The following UBE3A variants were observed in gnomAD, a reference collection of about 807,000 sequenced individuals.
UBE3A encodes ubiquitin protein ligase E3A.
Under a neutral mutation model 83.4 loss-of-function variants are expected in UBE3A, and 6 were observed. The ratio of observed to expected loss-of-function variants is 0.07; its 90% CI spans 0.04 to 0.14. UBE3A has a LOEUF of 0.14. UBE3A is among the 10% of genes least tolerant of loss of function. The probability of loss-of-function intolerance (pLI) is 1.00; values close to 1 mark genes in which losing one functional copy is unlikely to be tolerated. For synonymous variants in UBE3A, 337 were observed against 355.4 expected (o/e 0.95, Z 0.58); for missense variants, 456 against 1,036.1 (o/e 0.44, Z 7.69).
At chr15:25,382,628 A>T (rs573580650) in intron 4 of UBE3A, among the ~76,000 whole-genome samples, 1 of 152,092 alleles carries the variant, frequency 6.6e-6, no homozygotes, top group African/African-American at 2.4e-5. Context: ...GAAAAATAGA[A>T]AATTTTTGCA....
At chr15:25,408,670 C>T (rs1250383923) in intron 3 of UBE3A, 1 of 1,613,424 alleles carries the variant, frequency 6.2e-7, no homozygotes, top group Non-Finnish European at 8.5e-7. Flanking sequence ...CTCCTTTTAC[C>T]TCCACTGTAA....
Position 25,340,245 on chromosome 15 carries a change from C to T in UBE3A, c.2355-17G>A, listed in dbSNP as rs2074515071. 6.2e-7 allele frequency: 1 copy of T among 1,610,532 alleles called. No individual in the cohort carries two copies. The highest frequency in any genetic ancestry group is 2.2e-5 in the East Asian group (1 of 44,850). ...CAGAACTCCCTAATGAGAAAAAATA[C>T]AATACTGGTTTCAGTTTGGCATTCA... On this transcript the variant is annotated splice_polypyrimidine_tract_variant and intron_variant, in intron 11 of 12. Coordinates refer to ENST00000648336, the MANE Select transcript of UBE3A (RefSeq NM_130839.5).
At chr15:25,366,464 A>AT (rs572669297) in intron 6 of UBE3A, among the ~76,000 whole-genome samples, 8 of 152,278 alleles carry the variant, frequency 5.3e-5, no homozygotes, top group Non-Finnish European at 1.2e-4. Flanking sequence ...TTTAGAGGGG[A>AT]TTTTGCAGAA....
intron 4 of UBE3A, chr15:25,391,538 TAA>T (rs1054319163): frequency 6.6e-6 from 1 of 152,194 alleles, no homozygotes; most frequent in Non-Finnish European, 1.5e-5. Context: ...ACCTCTTATA[TAA>T]ACTGATAAAA....
intron 4 of UBE3A, among the ~76,000 whole-genome samples, chr15:25,396,380 G>T (rs1465174794): frequency 6.6e-6 from 1 of 152,064 alleles, no homozygotes; most frequent in Non-Finnish European, 1.5e-5. Flanking sequence ...CAAGGCAGAA[G>T]GATTACTTTG....
intron 1 of UBE3A, among the ~76,000 whole-genome samples, chr15:25,412,859 C>A (rs990981228): frequency 6.6e-6 from 1 of 152,136 alleles, no homozygotes; most frequent in Non-Finnish European, 1.5e-5. Context: ...AATAGAATTA[C>A]CTGGGGAAAT....
intron 6 of UBE3A, among the ~76,000 whole-genome samples, chr15:25,366,273 T>C (rs1200766546): frequency 6.6e-6 from 1 of 152,230 alleles, no homozygotes; most frequent in African/African-American, 2.4e-5. Context: ...AAATTAAACA[T>C]ACCTAGTGCA....
intron 6 of UBE3A, among the ~76,000 whole-genome samples, chr15:25,364,645 GTTT>G (rs759514427): frequency 7.2e-5 from 7 of 97,630 alleles, no homozygotes; most frequent in South Asian, 3.8e-4. Flanking sequence ...TTTTTTGTTT[GTTT>G]TTTTTTTTTT....
In UBE3A at chr15:25,371,836, G is replaced by A. The variant is rs779664745; in HGVS notation, c.362-24C>T. On this transcript the variant is annotated intron_variant, in intron 5 of 12. Coordinates refer to ENST00000648336, the MANE Select transcript of UBE3A (RefSeq NM_130839.5). This position sits in a 1 kb window ranked among gnomAD's most constrained non-coding sequence, Gnocchi z 5.3. ...ATCTAGAAAATCAGAGGAAAAAAGA[G>A]AACATTTATTTTCATAATATGTATG... 6.3e-7 allele frequency: 1 copy of A among 1,595,638 alleles called. No individual in the cohort carries two copies. Among genetic ancestry groups the A allele is most frequent in the South Asian group, 1.1e-5 (1 of 89,792 alleles).
intron 6 of UBE3A, among the ~76,000 whole-genome samples, chr15:25,366,491 C>T (rs2079124555): frequency 6.6e-6 from 1 of 152,130 alleles, no homozygotes; most frequent in South Asian, 2.1e-4. Context: ...GGTAGTGGGG[C>T]TTTTTATCTG....
rs1371048203 is a variant in UBE3A, at chr15:25,340,638, CCTTTCTCCTTTATT to C, written c.2355-424_2355-411del. ...GCCTTTGGGTATATATTTTATTTATCCTTTCTCCTTTATTCTCCTGGTCTACTCATCCTTTAACT... is the reference window on the plus strand; with the variant it reads ...GCCTTTGGGTATATATTTTATTTATCCTCCTGGTCTACTCATCCTTTAACT... On this transcript the variant is annotated intron_variant, in intron 11 of 12. Coordinates refer to ENST00000648336, the MANE Select transcript of UBE3A (RefSeq NM_130839.5). Among the ~76,000 whole-genome samples, 13 of 152,162 alleles carry C rather than the reference CCTTTCTCCTTTATT, an allele frequency of 8.5e-5. No individual in the cohort carries two copies. In the South Asian group the frequency reaches 1.5e-3, roughly 17 times the overall value.
In UBE3A at chr15:25,338,148, C is replaced by CTATT. The variant is rs2074118571; in HGVS notation, c.*985_*988dup. 1 of 152,064 alleles carries CTATT rather than the reference C, an allele frequency of 6.6e-6. No homozygotes were observed. The highest frequency in any genetic ancestry group is 1.5e-5 in the Non-Finnish European group (1 of 67,978). The allele number at this position is 152,064 out of a possible 1,614,324, so 9.4% of individuals were successfully genotyped here. On this transcript the variant is annotated 3_prime_UTR_variant, in exon 13 of 13. Transcript: ENST00000648336. ...ACACGAAGGGGAGACTTTGGATTGT[C>CTATT]TATTTAAAATCTAGGTAATAAGTAA... is the stretch of plus-strand genomic sequence containing the variant.
chr15:25,421,233 G>A (rs530949511), intron 1 of UBE3A, among the ~76,000 whole-genome samples: 26 of 152,168 alleles, frequency 1.7e-4, no homozygotes, highest in African/African-American at 6.0e-4. Flanking sequence ...TCCTGCTCTC[G>A]CCATATGACA....
At chr15:25,357,553 T>C (rs2077392010) in intron 7 of UBE3A, 1 of 152,302 alleles carries the variant, frequency 6.6e-6, no homozygotes, top group African/African-American at 2.4e-5. Flanking sequence ...TCACCATGTT[T>C]GCCAGGATGG....
chr15:25,415,082 T>C (rs536184458), intron 1 of UBE3A, among the ~76,000 whole-genome samples: 12 of 152,338 alleles, frequency 7.9e-5, no homozygotes, highest in Admixed American at 2.6e-4. Context: ...TCCCTTGTAC[T>C]TGCCTTCTAA....
chr15:25,436,659 T>A (rs371553791), intron 1 of UBE3A, among the ~76,000 whole-genome samples: 1 of 152,122 alleles, frequency 6.6e-6, no homozygotes, highest in African/African-American at 2.4e-5. Context: ...AGGTACCCAA[T>A]AAATCCTGTT....
chr15:25,401,871 G>GA (rs2087208042), intron 4 of UBE3A, among the ~76,000 whole-genome samples: 1 of 151,642 alleles, frequency 6.6e-6, no homozygotes, highest in Admixed American at 6.6e-5. Flanking sequence ...TCCATTTATT[G>GA]CATTTTCAGC....
intron 4 of UBE3A, among the ~76,000 whole-genome samples, chr15:25,386,170 G>A (rs891649331): frequency 2.0e-5 from 3 of 152,164 alleles, no homozygotes; most frequent in African/African-American, 7.2e-5. Context: ...CACTTGTGAA[G>A]TTCACAGTCC....
chr15:25,371,882 T>C lies in UBE3A; in HGVS notation c.362-70A>G. 6.8e-7 allele frequency: 1 copy of C among 1,474,252 alleles called. No homozygotes were observed. Among genetic ancestry groups the C allele is most frequent in the South Asian group, 1.2e-5 (1 of 80,098 alleles). 91.3% of individuals were successfully genotyped at this position (1,474,252 alleles called of 1,614,324 possible). A position where few individuals can be genotyped will look rare whatever the true frequency, so the allele number is the denominator to read the frequency against. On this transcript the variant is annotated intron_variant, in intron 5 of 12. Transcript: ENST00000648336. The surrounding 1 kb of genome is among the most constrained non-coding windows in gnomAD (Gnocchi z 5.3). ...GTATGTTTACTCTGTTGCAAAAAGT[T>C]CTAAAAGTAAAACAGCCAAACATTC...
Sources: allele counts gnomAD v4.1 joint callset (sites outside exome capture counted in the v4.1 genomes callset), GRCh38; gene constraint gnomAD v4.1.1; non-coding constraint Gnocchi (gnomAD v3.1); transcripts MANE v1.5; gene names NCBI Gene and HGNC (gene_info 2026-07-23, HGNC 2026-07-21).